The following EML5 variants were observed in gnomAD, a reference collection of about 807,000 sequenced individuals.
EML5 encodes echinoderm microtubule-associated protein-like 5.
A neutral mutation model predicts 250.0 loss-of-function variants in EML5; 120 were observed. The observed-to-expected ratio is 0.48, with a 90% confidence interval of 0.41 to 0.56. The LOEUF (loss-of-function observed/expected upper bound fraction) is 0.56, where lower values mean the gene tolerates loss of function less well. Among genes scored for constraint, EML5 ranks in the 20% least tolerant of loss-of-function variants. The pLI is 0.00. For synonymous variants in EML5, 771 were observed against 806.5 expected, an observed-to-expected ratio of 0.96 and a Z score of 0.75; for missense variants, 2,006 against 2,437.6, an observed-to-expected ratio of 0.82 and a Z score of 3.73.
chr14:88,634,338 A>G (rs1410704697), intron 33 of EML5, 131 bp downstream of exon 33: 2 of 595,770 alleles, frequency 3.4e-6, no homozygotes, highest in Non-Finnish European at 5.6e-6. Flanking sequence ...AATTAAACAC[A>G]TTTTCTTTGT....
chr14:88,730,753 A>G (rs1235420580), intron 7 of EML5, among the ~76,000 whole-genome samples: 3 of 152,224 alleles, frequency 2.0e-5, no homozygotes, highest in Non-Finnish European at 4.4e-5. Flanking sequence ...AATCATTGAG[A>G]AAACACTAAT....
chr14:88,744,912 G>T (rs1459648241), intron 3 of EML5, among the ~76,000 whole-genome samples: 1 of 151,896 alleles, frequency 6.6e-6, no homozygotes, highest in Non-Finnish European at 1.5e-5. Context: ...AATGAAGAAA[G>T]AATACATATT....
At chr14:88,683,936 A>G in intron 20 of EML5, among the ~76,000 whole-genome samples, 1 of 152,108 alleles carries the variant, frequency 6.6e-6, no homozygotes, top group Non-Finnish European at 1.5e-5. Flanking sequence ...TACATTTAAC[A>G]ATGTACTGGA....
Position 88,744,073 on chromosome 14 carries a change from C to T in EML5, c.475G>A (p.Asp159Asn). The part of the protein sequence containing the change: ...HTDRIFDISW[D>N]LYQPNKLVSC... ...ACAAGTTTATTTGGCTGGTACAAAT[C>T]CCAAGAAATATCAAATATCTGTAAA... Residue 159 changes from aspartate to asparagine, a missense_variant, in exon 4 of 44, where the codon GAT becomes AAT. Around this residue, in one of 7 missense-constraint regions of EML5, gnomAD observed 162 missense variants for 212.2 expected, o/e 0.76. Transcript: ENST00000554922. The T allele has an allele frequency of 6.4e-7, 1 of 1,569,430 alleles. No individual in the cohort carries two copies. Among genetic ancestry groups the T allele is most frequent in the Non-Finnish European group, 8.7e-7 (1 of 1,154,026 alleles).
chr14:88,695,034 T>C (rs1409051654), intron 16 of EML5, among the ~76,000 whole-genome samples: 1 of 152,098 alleles, frequency 6.6e-6, no homozygotes, highest in East Asian at 1.9e-4. Context: ...CTTTAATATA[T>C]AATATAAGCA....
In EML5 at chr14:88,614,376, C is replaced by T. The variant is rs2087279951; in HGVS notation, c.*1442G>A. 6.6e-6 allele frequency: 1 copy of T among 152,182 alleles called. No individual in the cohort carries two copies. The highest frequency in any genetic ancestry group is 2.1e-4 in the South Asian group (1 of 4,828). The allele number at this position is 152,182 out of a possible 1,614,324, so 9.4% of individuals were successfully genotyped here. ...GTCCTTCAGCCACAGCTATTTAGAGCTTTAAAACTACCAGGTTCAATCACT... is the reference window on the plus strand; with the variant it reads ...GTCCTTCAGCCACAGCTATTTAGAGTTTTAAAACTACCAGGTTCAATCACT... On this transcript the variant is annotated 3_prime_UTR_variant, in exon 44 of 44. Coordinates refer to ENST00000554922, the MANE Select transcript of EML5 (RefSeq NM_183387.3).
chr14:88,747,603 G>A (rs1234316411), intron 2 of EML5, among the ~76,000 whole-genome samples: 1 of 152,084 alleles, frequency 6.6e-6, no homozygotes, highest in Non-Finnish European at 1.5e-5. Context: ...AGCTTAATGT[G>A]CGAAATAAAA....
intron 25 of EML5, 102 bp from the exon 26 acceptor site, chr14:88,658,490 T>G (rs147677449): frequency 1.1e-6 from 1 of 903,436 alleles, no homozygotes; most frequent in African/African-American, 1.7e-5. Flanking sequence ...ATTAATCATT[T>G]CAAGTGCAAT....
intron 7 of EML5, among the ~76,000 whole-genome samples, chr14:88,733,690 T>A (rs1049725970): frequency 6.6e-6 from 1 of 152,082 alleles, no homozygotes; most frequent in Non-Finnish European, 1.5e-5. Context: ...AAAAATAGAC[T>A]GGCACAATGA....
At position 88,684,708 on chromosome 14, in the gene EML5, C is replaced by G. The variant is rs182854734; in HGVS notation, c.2982+307G>C. ...CTTTATTTTCTGATAAGAAATTACT[C>G]AAAATATTGGCAATTATTCCATAGA... On this transcript the variant is annotated intron_variant, in intron 20 of 43. Coordinates refer to ENST00000554922, the MANE Select transcript of EML5 (RefSeq NM_183387.3). Among the ~76,000 whole-genome samples the G allele has an allele frequency of 1.4e-3, 209 of 151,930 alleles. 1 individual carries two copies. Among genetic ancestry groups the G allele is most frequent in the African/African-American group, 4.9e-3 (203 of 41,456 alleles).
intron 14 of EML5, 40 bp downstream of exon 14, chr14:88,702,406 G>GTGTAGCTTA: frequency 6.6e-7 from 1 of 1,506,602 alleles, no homozygotes; most frequent in Non-Finnish European, 9.0e-7. Context: ...TCAAACAAAG[G>GTGTAGCTTA]TGTAGCTTAT....
chr14:88,709,343 A>C (rs1433099048), intron 10 of EML5, among the ~76,000 whole-genome samples: 1 of 151,142 alleles, frequency 6.6e-6, no homozygotes, highest in Non-Finnish European at 1.5e-5. Flanking sequence ...AGATATTTGC[A>C]AACTATAAAA....
intron 35 of EML5, chr14:88,625,834 C>A (rs2089859618): frequency 6.6e-6 from 1 of 152,214 alleles, no homozygotes. Context: ...AAAATTATAA[C>A]TTTTCCTATA....
intron 8 of EML5, among the ~76,000 whole-genome samples, chr14:88,717,613 G>A (rs2093519155): frequency 6.6e-6 from 1 of 152,148 alleles, no homozygotes; most frequent in African/African-American, 2.4e-5. Flanking sequence ...AAATTAGCCA[G>A]GTGTGGTGGC....
intron 42 of EML5, 58 bp downstream of exon 42, chr14:88,616,668 A>C (rs966840950): frequency 6.7e-7 from 1 of 1,492,882 alleles, no homozygotes; most frequent in Non-Finnish European, 9.1e-7. Context: ...AAAAGTGCTG[A>C]TGATAAGACA....
At chr14:88,666,671 G>T (rs1055943289) in intron 21 of EML5, among the ~76,000 whole-genome samples, 1 of 152,018 alleles carries the variant, frequency 6.6e-6, no homozygotes, top group Admixed American at 6.6e-5. Context: ...TGTCATTAAT[G>T]ATGTTAACAT....
At chr14:88,708,272 G>A (rs2093350615) in intron 10 of EML5, among the ~76,000 whole-genome samples, 1 of 152,026 alleles carries the variant, frequency 6.6e-6, no homozygotes, top group South Asian at 2.1e-4. Context: ...TATCTTTCAT[G>A]AAATGACTTT....
intron 33 of EML5, among the ~76,000 whole-genome samples, chr14:88,632,232 C>G (rs1392508211): frequency 6.6e-6 from 1 of 152,138 alleles, no homozygotes; most frequent in Non-Finnish European, 1.5e-5. Flanking sequence ...AGAATACACC[C>G]CATATTTGTC....
At chr14:88,762,540 AT>A (rs2140471765) in intron 1 of EML5, among the ~76,000 whole-genome samples, 1 of 152,170 alleles carries the variant, frequency 6.6e-6, no homozygotes, top group East Asian at 1.9e-4. Context: ...TTACAAAGAG[AT>A]TTAGACTCCC....
Sources: gnomAD v4.1 joint callset for allele counts (sites outside exome capture counted in the v4.1 genomes callset) on GRCh38, gnomAD v4.1.1 for gene constraint, gnomAD v4.1.1 regional missense constraint, MANE v1.5 for transcripts, NCBI Gene and HGNC (gene_info 2026-07-23, HGNC 2026-07-21) for gene names.